The following GLYCTK variants were observed in gnomAD, a reference collection of about 807,000 sequenced individuals.
The protein encoded by GLYCTK is glycerate kinase.
Under a neutral mutation model 24.8 loss-of-function variants are expected in GLYCTK, and 22 were observed. That is an observed-to-expected ratio of 0.89 (90% CI 0.63 to 1.27). The LOEUF (loss-of-function observed/expected upper bound fraction) is 1.27. Ranked by LOEUF, GLYCTK falls within the 50% of genes most tolerant of loss-of-function variation. The pLI is 0.00. For synonymous variants in GLYCTK, 320 were observed against 297.2 expected (o/e 1.08, Z -0.79); for missense variants, 684 against 686.7 (o/e 1.00, Z 0.04).
chr3:52,293,507 T>A lies in GLYCTK; in HGVS notation c.*381T>A. The A allele has an allele frequency of 2.1e-6, 1 of 476,386 alleles. No individual in the cohort carries two copies. The highest frequency in any genetic ancestry group is 4.1e-6 in the Non-Finnish European group (1 of 241,236). 29.5% of individuals were successfully genotyped at this position (476,386 alleles called of 1,614,324 possible). A position where few individuals can be genotyped will look rare whatever the true frequency, so the allele number is the denominator to read the frequency against. Reference sequence around the variant, plus strand: ...GTGCGCCTTCCCTCAGAGTGAGGCCTCACGGGGGAGCCGCTGGGAGGGGAG... The same window carrying A: ...GTGCGCCTTCCCTCAGAGTGAGGCCACACGGGGGAGCCGCTGGGAGGGGAG... On this transcript the variant is annotated 3_prime_UTR_variant, in exon 5 of 5. Coordinates refer to ENST00000436784, the MANE Select transcript of GLYCTK (RefSeq NM_145262.4).
Position 52,293,152 on chromosome 3 carries a change from C to T in GLYCTK, c.*26C>T, listed in dbSNP as rs186354416. 3.4e-4 allele frequency: 556 copies of T among 1,611,972 alleles called. 1 individual carries two copies. In the African/African-American group the frequency reaches 6.6e-3, roughly 19 times the overall value. ...TGGCATAGGTCACATTTTGGGAGTT[C>T]AGAGGAGGCCTACAAGGGCAAGGTC... is the stretch of plus-strand genomic sequence containing the variant. On this transcript the variant is annotated 3_prime_UTR_variant, in exon 5 of 5. Coordinates refer to ENST00000436784, the MANE Select transcript of GLYCTK (RefSeq NM_145262.4).
intron 4 of GLYCTK, 69 bp from the exon 5 acceptor site, chr3:52,292,191 A>T (rs1419964398): frequency 6.3e-7 from 1 of 1,593,552 alleles, no homozygotes; most frequent in South Asian, 1.1e-5. Flanking sequence ...CCCTAGGGGC[A>T]GTTTGTCCTT....
At position 52,291,654 on chromosome 3, in the gene GLYCTK, C is replaced by T. The variant is rs1700473125; in HGVS notation, c.530-93C>T. ...GGGCACCCTAACCCCACCTTTCCAG[C>T]CCCCTTTTTCTAATGTGGGCTTGTC... On this transcript the variant is annotated intron_variant, in intron 3 of 4. Transcript: ENST00000436784. 33 of 1,230,944 alleles carry T rather than the reference C, an allele frequency of 2.7e-5. No homozygotes were observed. The South Asian group carries it at 4.2e-4, about 16-fold the overall frequency. 76.3% of individuals were successfully genotyped at this position (1,230,944 alleles called of 1,614,324 possible).
At position 52,293,462 on chromosome 3, in the gene GLYCTK, G is replaced by A. The variant is rs756303796; in HGVS notation, c.*336G>A. The A allele has an allele frequency of 1.9e-6, 1 of 533,932 alleles. No homozygotes were observed. The highest frequency in any genetic ancestry group is 1.5e-5 in the South Asian group (1 of 65,250). The allele number at this position is 533,932 out of a possible 1,614,324, so 33.1% of individuals were successfully genotyped here. On this transcript the variant is annotated 3_prime_UTR_variant, in exon 5 of 5. Coordinates refer to ENST00000436784, the MANE Select transcript of GLYCTK (RefSeq NM_145262.4). ...AGCGAGAATGTCTGAAAATAAATAG[G>A]ACCATGCCATGGGTTCTCAGTGCGC...
intron 2 of GLYCTK, 104 bp from the exon 3 acceptor site, chr3:52,290,856 A>T (rs1700443121): frequency 6.3e-7 from 1 of 1,580,304 alleles, no homozygotes; most frequent in Admixed American, 1.7e-5. Context: ...GATGCATGTC[A>T]GTGGGCATCT....
At position 52,294,008 on chromosome 3, in the gene GLYCTK, G is replaced by A. The variant is rs55676974; in HGVS notation, c.*882G>A. 51,846 of 425,070 alleles carry A rather than the reference G, an allele frequency of 0.12. 4,463 individuals carry two copies. Among genetic ancestry groups the A allele is most frequent in the African/African-American group, 0.31 (15,447 of 49,588 alleles). The allele number at this position is 425,070 out of a possible 1,614,324, so 26.3% of individuals were successfully genotyped here. On this transcript the variant is annotated 3_prime_UTR_variant, in exon 5 of 5. Coordinates refer to ENST00000436784, the MANE Select transcript of GLYCTK (RefSeq NM_145262.4). ...TCCAGACCCTGAAGTCAGCCCTTCA[G>A]TGGGGGTCCCAGCACTGGGATGGTG...
At position 52,295,008 on chromosome 3, in the gene GLYCTK, C is replaced by T. The variant is rs892474598; in HGVS notation, c.*1882C>T. ...ATGGATAGGATCTTGCAGGAGGTTCCCCCTGCTCTACATTGACCCCTTCCC... is the reference window on the plus strand; with the variant it reads ...ATGGATAGGATCTTGCAGGAGGTTCTCCCTGCTCTACATTGACCCCTTCCC... On this transcript the variant is annotated 3_prime_UTR_variant, in exon 5 of 5. Transcript: ENST00000436784. 4.4e-6 allele frequency: 2 copies of T among 453,906 alleles called. No individual in the cohort carries two copies. Among genetic ancestry groups the T allele is most frequent in the Admixed American group, 2.3e-5 (1 of 42,558 alleles). 28.1% of individuals were successfully genotyped at this position (453,906 alleles called of 1,614,324 possible). A position where few individuals can be genotyped will look rare whatever the true frequency, so the allele number is the denominator to read the frequency against.
rs781480140 is a variant in GLYCTK, at chr3:52,292,685, G to A, written c.1131G>A (p.Leu377=). The A allele has an allele frequency of 4.4e-6, 7 of 1,606,342 alleles. No homozygotes were observed. Among genetic ancestry groups the A allele is most frequent in the Non-Finnish European group, 6.0e-6 (7 of 1,174,684 alleles). ...SVEEDAQLHE[L]AAELQIPDLQ... ...AGGAAGATGCACAGCTCCATGAGCT[G>A]GCAGCTGAGCTTCAGATCCCAGACC... Residue 377 remains leucine (L), a synonymous_variant, in exon 5 of 5, where the codon CTG becomes CTA. Coordinates refer to ENST00000436784, the MANE Select transcript of GLYCTK (RefSeq NM_145262.4).
Position 52,291,066 on chromosome 3 carries a change from G to A in GLYCTK, c.484G>A (p.Ala162Thr), listed in dbSNP as rs1156834329. The A allele has an allele frequency of 2.5e-6, 4 of 1,613,046 alleles. No homozygotes were observed. The highest frequency in any genetic ancestry group is 1.3e-5 in the African/African-American group (1 of 74,924). ...LRAALAIQQL[A>T]EGLTADDLLL... ...GGCTGCACTGGCCATCCAGCAACTG[G>A]CTGAGGGACTCACAGCTGATGACCT... Residue 162 changes from alanine to threonine, a missense_variant, in exon 3 of 5, where the codon GCT (alanine) becomes ACT (threonine). Transcript: ENST00000436784.
rs1254374282 is a variant in GLYCTK at position 52,294,348 on chromosome 3, CCCT to C, written c.*1228_*1230del. The C allele has an allele frequency of 1.9e-6, 1 of 533,994 alleles. No individual in the cohort carries two copies. Among genetic ancestry groups the C allele is most frequent in the African/African-American group, 1.9e-5 (1 of 51,968 alleles). The allele number at this position is 533,994 out of a possible 1,614,324, so 33.1% of individuals were successfully genotyped here. A position where few individuals can be genotyped will look rare whatever the true frequency, so the allele number is the denominator to read the frequency against. On this transcript the variant is annotated 3_prime_UTR_variant, in exon 5 of 5. Transcript: ENST00000436784. Reference sequence around the variant, plus strand: ...AGGCACTTCTTCCACCCCAACCCTCCCCTCCTCCCTGAGGGTGTGGAGGGGCCC... The same window carrying C: ...AGGCACTTCTTCCACCCCAACCCTCCCCTCCCTGAGGGTGTGGAGGGGCCC...
intron 3 of GLYCTK, 94 bp from the exon 4 acceptor site, chr3:52,291,653 G>GC: frequency 8.1e-7 from 1 of 1,227,488 alleles, no homozygotes; most frequent in Non-Finnish European, 1.2e-6. Context: ...CACCTTTCCA[G>GC]CCCCCTTTTT....
intron 4 of GLYCTK, 32 bp from the exon 5 acceptor site, chr3:52,292,228 G>A: frequency 6.2e-7 from 1 of 1,613,116 alleles, no homozygotes; most frequent in Non-Finnish European, 8.5e-7. Context: ...GGAGGAAGTG[G>A]GCCTGAGCCT....
chr3:52,292,625 C>A lies in GLYCTK; in HGVS notation c.1071C>A (p.Thr357=), dbSNP rs1212533901. The change falls in exon 5 of 5, where the codon ACC becomes ACA. Residue 357 remains threonine (T), a synonymous_variant. Transcript: ENST00000436784. ...GGCTGCTGGCCCATGTGGCTAGAACCCGCCTCACCCCATCCATGGCTGGGG... is the reference window on the plus strand; with the variant it reads ...GGCTGCTGGCCCATGTGGCTAGAACACGCCTCACCCCATCCATGGCTGGGG... The part of the protein sequence containing the change: ...FYGLLAHVAR[T]RLTPSMAGAS... 2.5e-6 allele frequency: 4 copies of A among 1,610,516 alleles called. No individual in the cohort carries two copies. The highest frequency in any genetic ancestry group is 2.5e-6 in the Non-Finnish European group (3 of 1,177,514).
chr3:52,292,192 G>T lies in GLYCTK; in HGVS notation c.706-68G>T, dbSNP rs186061935. ...AGGGTGTGTGGATACCCTAGGGGCA[G>T]TTTGTCCTTATGGGCTCTGAGGGGA... is the stretch of plus-strand genomic sequence containing the variant. On this transcript the variant is annotated intron_variant, in intron 4 of 4. Transcript: ENST00000436784. 7.2e-4 allele frequency: 1,146 copies of T among 1,600,544 alleles called. 1 individual carries two copies. The highest frequency in any genetic ancestry group is 8.7e-4 in the Non-Finnish European group (1,014 of 1,171,416).
chr3:52,292,942 C>A lies in GLYCTK; in HGVS notation c.1388C>A (p.Ala463Asp). ...GATGGGCCCACAGAGGCTGCTGGGGCCTGGGTCACACCTGAGCTTGCCAGC... is the reference window on the plus strand; with the variant it reads ...GATGGGCCCACAGAGGCTGCTGGGGACTGGGTCACACCTGAGCTTGCCAGC... ...GQDGPTEAAG[A>D]WVTPELASQA... is the part of the protein sequence containing the mutation. Residue 463 changes from alanine (A) to aspartate (D), a missense_variant, in exon 5 of 5, where the codon GCC becomes GAC. Physicochemically the swap from Ala to Asp is moderately radical, Grantham distance 126. Transcript: ENST00000436784. 6.2e-7 allele frequency: 1 copy of A among 1,614,062 alleles called. No homozygotes were observed.
Position 52,293,519 on chromosome 3 carries a change from C to T in GLYCTK, c.*393C>T, listed in dbSNP as rs747780219. 54 of 470,918 alleles carry T rather than the reference C, an allele frequency of 1.1e-4. No homozygotes were observed. The Middle Eastern group carries it at 7.4e-3, about 65-fold the overall frequency. The allele number at this position is 470,918 out of a possible 1,614,324, so 29.2% of individuals were successfully genotyped here. On this transcript the variant is annotated 3_prime_UTR_variant, in exon 5 of 5. Coordinates refer to ENST00000436784, the MANE Select transcript of GLYCTK (RefSeq NM_145262.4). ...TCAGAGTGAGGCCTCACGGGGGAGC[C>T]GCTGGGAGGGGAGCGTGGTACGGCT...
In GLYCTK at chr3:52,294,185, GC is replaced by G. The variant is rs751916569; in HGVS notation, c.*1064del. On this transcript the variant is annotated 3_prime_UTR_variant, in exon 5 of 5. Coordinates refer to ENST00000436784, the MANE Select transcript of GLYCTK (RefSeq NM_145262.4). Reference sequence around the variant, plus strand: ...GTGCCACTGTCCTGCCTCCTTTTGAGCCCCCTTGCTCAGTGTCAGAACCCTC... The same window carrying G: ...GTGCCACTGTCCTGCCTCCTTTTGAGCCCCTTGCTCAGTGTCAGAACCCTC... The G allele has an allele frequency of 1.1e-5, 6 of 533,990 alleles. No individual in the cohort carries two copies. Among genetic ancestry groups the G allele is most frequent in the South Asian group, 4.2e-5 (3 of 71,558 alleles). The allele number at this position is 533,990 out of a possible 1,614,324, so 33.1% of individuals were successfully genotyped here.
Position 52,293,760 on chromosome 3 carries a change from C to T in GLYCTK, c.*634C>T, listed in dbSNP as rs745621977. On this transcript the variant is annotated 3_prime_UTR_variant, in exon 5 of 5. Coordinates refer to ENST00000436784, the MANE Select transcript of GLYCTK (RefSeq NM_145262.4). ...CTGGGGTGACCAGCCACCCACCCACCCAACCATGACTCCACCATGGCACTG... is the reference window on the plus strand; with the variant it reads ...CTGGGGTGACCAGCCACCCACCCACTCAACCATGACTCCACCATGGCACTG... 41 of 453,532 alleles carry T rather than the reference C, an allele frequency of 9.0e-5. No homozygotes were observed. The highest frequency in any genetic ancestry group is 1.5e-4 in the Non-Finnish European group (34 of 226,486). 28.1% of individuals were successfully genotyped at this position (453,532 alleles called of 1,614,324 possible).
intron 3 of GLYCTK, 199 bp downstream of exon 3, chr3:52,291,310 C>A: frequency 1.6e-6 from 1 of 636,244 alleles, no homozygotes; most frequent in Non-Finnish European, 2.8e-6. Context: ...AGTCCTCCCC[C>A]TGAGCTGACC....
Sources: gnomAD v4.1 joint callset for allele counts on GRCh38, gnomAD v4.1.1 for gene constraint, MANE v1.5 for transcripts, NCBI Gene and HGNC (gene_info 2026-07-23, HGNC 2026-07-21) for gene names.